The following CADPS2 variants were observed in gnomAD, a reference collection of about 807,000 sequenced individuals.
The protein encoded by CADPS2 is calcium dependent secretion activator 2.
A neutral mutation model predicts 172.5 loss-of-function variants in CADPS2; 93 were observed. The ratio of observed to expected loss-of-function variants is 0.54; its 90% CI spans 0.46 to 0.64. The LOEUF (loss-of-function observed/expected upper bound fraction) is 0.64. Ranked by LOEUF, CADPS2 falls within the 30% of genes least tolerant of loss-of-function variation. CADPS2 has a pLI of 0.00. For missense variants in CADPS2, 1,420 were observed against 1,565.9 expected, an observed-to-expected ratio of 0.91 and a Z score of 1.57; for synonymous variants, 546 against 555.2, an observed-to-expected ratio of 0.98 and a Z score of 0.23.
intron 14 of CADPS2, among the ~76,000 whole-genome samples, chr7:122,460,246 T>C (rs1179332221): frequency 6.6e-6 from 1 of 151,474 alleles, no homozygotes; most frequent in East Asian, 2.0e-4. Context: ...TACTAGAAAG[T>C]AAAATAATTC....
At chr7:122,411,001 G>C (rs1447246850) in intron 19 of CADPS2, among the ~76,000 whole-genome samples, 1 of 152,120 alleles carries the variant, frequency 6.6e-6, no homozygotes, top group African/African-American at 2.4e-5. Context: ...AGCAATGATT[G>C]AATCTAAGTC....
At chr7:122,866,923 C>T (rs568050848) in intron 1 of CADPS2, among the ~76,000 whole-genome samples, 27 of 152,254 alleles carry the variant, frequency 1.8e-4, no homozygotes, top group African/African-American at 6.5e-4. Flanking sequence ...GCAATTCTTC[C>T]CACTTTCCTC....
intron 14 of CADPS2, among the ~76,000 whole-genome samples, chr7:122,452,213 G>C (rs1368684107): frequency 1.3e-5 from 2 of 152,068 alleles, no homozygotes; most frequent in East Asian, 3.8e-4. Context: ...ATCAATTTAG[G>C]TATCCGGTTG....
chr7:122,527,610 G>T (rs1320961808), intron 8 of CADPS2, among the ~76,000 whole-genome samples: 6 of 126,978 alleles, frequency 4.7e-5, no homozygotes, highest in African/African-American at 1.6e-4. Context: ...GAGAGAGAGA[G>T]AGAGAGAGTG....
At chr7:122,501,940 T>C (rs1241510292) in intron 9 of CADPS2, among the ~76,000 whole-genome samples, 1 of 150,156 alleles carries the variant, frequency 6.7e-6, no homozygotes, top group Non-Finnish European at 1.5e-5. Context: ...CAACTCTCTG[T>C]AGTTCAATGG....
At chr7:122,843,935 A>G in intron 1 of CADPS2, among the ~76,000 whole-genome samples, 1 of 152,234 alleles carries the variant, frequency 6.6e-6, no homozygotes, top group East Asian at 1.9e-4. Context: ...CAAAAAGGGA[A>G]GCAAAGAATT....
chr7:122,722,275 T>C (rs1188012010), intron 2 of CADPS2, among the ~76,000 whole-genome samples: 3 of 152,018 alleles, frequency 2.0e-5, no homozygotes, highest in Non-Finnish European at 4.4e-5. Flanking sequence ...GATGACATGA[T>C]TGTATATCTA....
intron 3 of CADPS2, among the ~76,000 whole-genome samples, chr7:122,644,555 T>A (rs1408539051): frequency 6.6e-6 from 1 of 152,200 alleles, no homozygotes; most frequent in East Asian, 1.9e-4. Context: ...ACGACTTGCG[T>A]TAATTTTATT....
At chr7:122,451,689 C>T (rs891549183) in intron 14 of CADPS2, among the ~76,000 whole-genome samples, 1 of 151,704 alleles carries the variant, frequency 6.6e-6, no homozygotes, top group African/African-American at 2.4e-5. Context: ...AGACAGCCTT[C>T]AAGGTAAAAG....
At chr7:122,604,091 T>G (rs2073168681) in intron 6 of CADPS2, among the ~76,000 whole-genome samples, 1 of 152,142 alleles carries the variant, frequency 6.6e-6, no homozygotes, top group African/African-American at 2.4e-5. Context: ...AATTTTAAAA[T>G]TTTACAACAC....
intron 5 of CADPS2, among the ~76,000 whole-genome samples, chr7:122,616,547 T>C (rs2074948314): frequency 6.6e-6 from 1 of 152,130 alleles, no homozygotes; most frequent in Non-Finnish European, 1.5e-5. Context: ...ATCAATAAAA[T>C]AAAAGGTCAA....
intron 3 of CADPS2, among the ~76,000 whole-genome samples, chr7:122,657,726 T>G (rs2079983375): frequency 6.6e-6 from 1 of 152,166 alleles, no homozygotes; most frequent in South Asian, 2.1e-4. Flanking sequence ...TGATGGGGTT[T>G]TCTAAATATA....
intron 8 of CADPS2, among the ~76,000 whole-genome samples, chr7:122,550,344 A>C (rs975000625): frequency 6.6e-6 from 1 of 152,220 alleles, no homozygotes; most frequent in Admixed American, 6.5e-5. Flanking sequence ...ATGACTCTAC[A>C]CAAAGAGAAA....
At chr7:122,653,508 C>A (rs537002206) in intron 3 of CADPS2, among the ~76,000 whole-genome samples, 9 of 152,310 alleles carry the variant, frequency 5.9e-5, no homozygotes, top group African/African-American at 1.9e-4. Context: ...CTTATCTTTT[C>A]TTTTTAACCT....
intron 12 of CADPS2, among the ~76,000 whole-genome samples, chr7:122,480,641 C>A (rs924458578): frequency 6.6e-6 from 1 of 152,002 alleles, no homozygotes; most frequent in African/African-American, 2.4e-5. Flanking sequence ...TACCCTTGTG[C>A]CTGTATGAAT....
At chr7:122,520,090 T>C (rs953962679) in intron 8 of CADPS2, among the ~76,000 whole-genome samples, 3 of 152,002 alleles carry the variant, frequency 2.0e-5, no homozygotes, top group Admixed American at 2.0e-4. Flanking sequence ...AAGCTTTCAT[T>C]TGCAAACAAA....
chr7:122,695,270 G>T (rs1220580535), intron 2 of CADPS2, among the ~76,000 whole-genome samples: 1 of 152,142 alleles, frequency 6.6e-6, no homozygotes. Context: ...TATCTGAGGA[G>T]TGAATAAAAA....
At chr7:122,701,118 C>G (rs191742297) in intron 2 of CADPS2, among the ~76,000 whole-genome samples, 6 of 152,120 alleles carry the variant, frequency 3.9e-5, no homozygotes, top group African/African-American at 1.4e-4. Context: ...GGCTAATTCT[C>G]TATGGCAATG....
At chr7:122,599,312 C>A (rs1411963924) in intron 6 of CADPS2, among the ~76,000 whole-genome samples, 2 of 151,906 alleles carry the variant, frequency 1.3e-5, no homozygotes, top group Non-Finnish European at 1.5e-5. Flanking sequence ...GAAGCCAAAC[C>A]AGAGAGAGGC....
Sources: gnomAD v4.1 joint callset for allele counts (sites outside exome capture counted in the v4.1 genomes callset) on GRCh38, gnomAD v4.1.1 for gene constraint, MANE v1.5 for transcripts, NCBI Gene and HGNC (gene_info 2026-07-23, HGNC 2026-07-21) for gene names.